ABCC1: variants seen among roughly 807,000 people sequenced by gnomAD.
ABCC1 encodes ATP binding cassette subfamily C member 1 (ABCC1 blood group), also known as multidrug resistance-associated protein 1.
A neutral mutation model predicts 172.9 loss-of-function variants in ABCC1; 83 were observed. That is an observed-to-expected ratio of 0.48 (90% CI 0.40 to 0.58). The LOEUF (loss-of-function observed/expected upper bound fraction) is 0.58. ABCC1 is among the 20% of genes least tolerant of loss of function. The pLI, the probability that ABCC1 is intolerant of heterozygous loss-of-function variation, is 0.00. For synonymous variants in ABCC1, 937 were observed against 825.2 expected (o/e 1.14, Z -2.32); for missense variants, 1,817 against 2,002.7 (o/e 0.91, Z 1.77).
intron 1 of ABCC1, among the ~76,000 whole-genome samples, chr16:15,992,984 C>T (rs1223532036): frequency 6.6e-6 from 1 of 152,144 alleles, no homozygotes; most frequent in Non-Finnish European, 1.5e-5. Flanking sequence ...CTCTTCCTGA[C>T]CCTTCCAGTC....
chr16:16,104,765 G>C (rs2051990170), intron 20 of ABCC1, among the ~76,000 whole-genome samples: 2 of 152,176 alleles, frequency 1.3e-5, no homozygotes, highest in Admixed American at 6.5e-5. Flanking sequence ...CCCATAGCGG[G>C]GAGGTGGGGA....
intron 19 of ABCC1, among the ~76,000 whole-genome samples, chr16:16,091,215 G>A (rs1018914505): frequency 2.0e-5 from 3 of 151,970 alleles, no homozygotes; most frequent in Admixed American, 6.6e-5. Flanking sequence ...GATCGCTCCA[G>A]CTCAGGAGTT....
At chr16:16,047,498 A>G (rs974889661) in intron 9 of ABCC1, among the ~76,000 whole-genome samples, 1 of 152,092 alleles carries the variant, frequency 6.6e-6, no homozygotes, top group Non-Finnish European at 1.5e-5. Context: ...ATAGTGTGCA[A>G]TCATGTTTGA....
chr16:16,141,314 A>T lies in ABCC1; in HGVS notation c.*33A>T. 3 of 1,598,094 alleles carry T rather than the reference A, an allele frequency of 1.9e-6. No homozygotes were observed. The highest frequency in any genetic ancestry group is 2.6e-6 in the Non-Finnish European group (3 of 1,166,124). On this transcript the variant is annotated 3_prime_UTR_variant, in exon 31 of 31. Coordinates refer to ENST00000399410, the MANE Select transcript of ABCC1 (RefSeq NM_004996.4). ...AGCTGGCATATCTGGTCAGAACTGC[A>T]GGGCCTATATGCCAGCGCCCAGGGA...
chr16:16,051,571 G>A (rs1382325834), intron 10 of ABCC1, among the ~76,000 whole-genome samples: 4 of 152,132 alleles, frequency 2.6e-5, no homozygotes, highest in Non-Finnish European at 5.9e-5. Context: ...GGAGTCCCCA[G>A]CAGAGTCACA....
At position 16,109,246 on chromosome 16, in the gene ABCC1, C is replaced by T. The variant is rs574049368; in HGVS notation, c.2872-2129C>T. On this transcript the variant is annotated intron_variant, in intron 21 of 30. Transcript: ENST00000399410. ...GGCTGGAGTGCAGTGGTGTGACCAA[C>T]GCTCACTGCAGCCTTAAGCTTCTGG... Among the ~76,000 whole-genome samples, 43 of 152,176 alleles carry T rather than the reference C, an allele frequency of 2.8e-4. No individual in the cohort carries two copies. In the East Asian group the frequency reaches 4.7e-3, roughly 16 times the overall value.
Position 15,992,365 on chromosome 16 carries a change from C to T in ABCC1, c.49-15451C>T, listed in dbSNP as rs1011760436. ...TACCCTGTCTGTGAAAAATCGTCTT[C>T]CACAAAACCTATCCTTGCTGCCAAA... On this transcript the variant is annotated intron_variant, in intron 1 of 30. Coordinates refer to ENST00000399410, the MANE Select transcript of ABCC1 (RefSeq NM_004996.4). 8.5e-5 allele frequency among the ~76,000 whole-genome samples: 13 copies of T among 152,246 alleles called. No individual in the cohort carries two copies. The South Asian group carries it at 1.7e-3, about 19-fold the overall frequency.
At chr16:16,113,905 G>C (rs564555645) in intron 22 of ABCC1, among the ~76,000 whole-genome samples, 6 of 152,086 alleles carry the variant, frequency 3.9e-5, no homozygotes, top group African/African-American at 1.4e-4. Flanking sequence ...TTGCATGCAC[G>C]GTTCACAATA....
chr16:16,135,749 C>T (rs1337983911), intron 28 of ABCC1, among the ~76,000 whole-genome samples: 2 of 152,216 alleles, frequency 1.3e-5, no homozygotes, highest in East Asian at 3.9e-4. Flanking sequence ...AGCCAACATG[C>T]TTGGCTGAAA....
chr16:16,083,493 C>G lies in ABCC1; in HGVS notation c.2243C>G (p.Pro748Arg), dbSNP rs779302392. 1.7e-5 allele frequency: 28 copies of G among 1,613,918 alleles called. No homozygotes were observed. The highest frequency in any genetic ancestry group is 2.1e-5 in the Non-Finnish European group (25 of 1,180,010). The change falls in exon 17 of 31, where the codon CCA becomes CGA. Residue 748 changes from proline (P) to arginine (R), a missense_variant. Coordinates refer to ENST00000399410, the MANE Select transcript of ABCC1 (RefSeq NM_004996.4). Reference protein sequence around the residue: ...RSVIQACALLPDLEILPSGDR... With the variant: ...RSVIQACALLRDLEILPSGDR... ...GTGATACAGGCCTGTGCCCTCCTCC[C>G]AGACCTGGAAATCCTGCCCAGTGGG... is the stretch of plus-strand genomic sequence containing the variant.
chr16:16,083,733 T>TA (rs2050897230), intron 17 of ABCC1, among the ~76,000 whole-genome samples, 191 bp downstream of exon 17: 1 of 152,142 alleles, frequency 6.6e-6, no homozygotes, highest in Non-Finnish European at 1.5e-5. Flanking sequence ...AGGTCTCACT[T>TA]ACAGAGCTTT....
chr16:15,961,393 A>T (rs2046128510), intron 1 of ABCC1, among the ~76,000 whole-genome samples: 1 of 152,194 alleles, frequency 6.6e-6, no homozygotes, highest in African/African-American at 2.4e-5. Flanking sequence ...GATCTGGCTG[A>T]TTGCAGGAGG....
chr16:16,054,831 G>C (rs960605886), intron 11 of ABCC1, among the ~76,000 whole-genome samples: 1 of 152,130 alleles, frequency 6.6e-6, no homozygotes, highest in Non-Finnish European at 1.5e-5. Context: ...AAAGTTGCTG[G>C]GATACACAAA....
At chr16:16,066,834 C>G (rs1451759776) in intron 12 of ABCC1, among the ~76,000 whole-genome samples, 1 of 150,838 alleles carries the variant, frequency 6.6e-6, no homozygotes, top group African/African-American at 2.4e-5. Flanking sequence ...CCTTGGGAGG[C>G]AGAGGTTGCG....
Position 16,118,016 on chromosome 16 carries a change from CAT to C in ABCC1, c.3390+2941_3390+2942del, listed in dbSNP as rs199858099. Among the ~76,000 whole-genome samples, 1,142 of 152,324 alleles carry C rather than the reference CAT, an allele frequency of 7.5e-3. 13 individuals carry two copies. Among genetic ancestry groups the C allele is most frequent in the African/African-American group, 0.025 (1,051 of 41,566 alleles). On this transcript the variant is annotated intron_variant, in intron 23 of 30. Transcript: ENST00000399410. ...TTATATGTTCTTTGTTCTTTGAACACATGTGGTTTCTTAGGATATCGCAGGAT... is the reference window on the plus strand; with the variant it reads ...TTATATGTTCTTTGTTCTTTGAACACGTGGTTTCTTAGGATATCGCAGGAT...
chr16:16,125,119 C>G (rs1206657215), intron 25 of ABCC1, among the ~76,000 whole-genome samples: 2 of 152,182 alleles, frequency 1.3e-5, no homozygotes, highest in Admixed American at 1.3e-4. Context: ...TTTTCCCCAT[C>G]AGTCACACAG....
At chr16:16,011,023 C>T (rs1025264945) in intron 3 of ABCC1, among the ~76,000 whole-genome samples, 5 of 152,078 alleles carry the variant, frequency 3.3e-5, no homozygotes, top group South Asian at 2.1e-4. Context: ...CACTTGAGGT[C>T]GGGAATTTGA....
chr16:16,125,932 G>A (rs1233679771), intron 26 of ABCC1, 21 bp downstream of exon 26: 33 of 1,588,040 alleles, frequency 2.1e-5, no homozygotes, highest in Non-Finnish European at 2.9e-5. Flanking sequence ...GCCCCTGGCT[G>A]GACCTCTTGG....
intron 14 of ABCC1, among the ~76,000 whole-genome samples, chr16:16,075,022 C>T (rs2050501915): frequency 1.3e-5 from 2 of 149,310 alleles, no homozygotes; most frequent in Admixed American, 1.4e-4. Context: ...TCTTGGCTCT[C>T]TGCGACCTCT....
Sources: allele counts gnomAD v4.1 joint callset (sites outside exome capture counted in the v4.1 genomes callset), GRCh38; gene constraint gnomAD v4.1.1; transcripts MANE v1.5; gene names NCBI Gene and HGNC (gene_info 2026-07-23, HGNC 2026-07-21).